Variants in ASXL3 observed in about 807,000 individuals in gnomAD.
The protein encoded by ASXL3 is putative Polycomb group protein ASXL3.
In ASXL3, 34 loss-of-function variants were observed where a neutral mutation model predicts 170.6. That is an observed-to-expected ratio of 0.20 (90% confidence interval 0.15 to 0.27). The LOEUF is 0.27. Ranked by LOEUF, ASXL3 falls within the 10% of genes least tolerant of loss-of-function variation. The pLI is 1.00. For missense variants in ASXL3, 2,592 were observed against 2,695.3 expected, an observed-to-expected ratio of 0.96 and a Z score of 0.85; for synonymous variants, 1,002 against 989.1, an observed-to-expected ratio of 1.01 and a Z score of -0.24.
intron 11 of ASXL3, among the ~76,000 whole-genome samples, chr18:33,742,501 G>A (rs1261460078): frequency 1.3e-5 from 2 of 152,120 alleles, no homozygotes; most frequent in Admixed American, 6.5e-5. Context: ...AAATAGAGTT[G>A]AAGTTCCACT....
At chr18:33,681,260 C>T (rs1028896205) in intron 7 of ASXL3, among the ~76,000 whole-genome samples, 2 of 152,040 alleles carry the variant, frequency 1.3e-5, no homozygotes, top group Non-Finnish European at 2.9e-5. Context: ...TTTGGATTTA[C>T]TCATGTCTAT....
intron 8 of ASXL3, among the ~76,000 whole-genome samples, chr18:33,720,502 G>A (rs988575946): frequency 1.3e-5 from 2 of 151,934 alleles, no homozygotes; most frequent in Non-Finnish European, 2.9e-5. Flanking sequence ...ACACACAGAG[G>A]GAACATTAAA....
chr18:33,749,193 A>G lies in ASXL3; in HGVS notation c.*2598A>G, dbSNP rs2067846388. 6.6e-6 allele frequency: 1 copy of G among 151,778 alleles called. No homozygotes were observed. The highest frequency in any genetic ancestry group is 2.4e-5 in the African/African-American group (1 of 41,306). 9.4% of individuals were successfully genotyped at this position (151,778 alleles called of 1,614,324 possible). On this transcript the variant is annotated 3_prime_UTR_variant, in exon 12 of 12. Coordinates refer to ENST00000269197, the MANE Select transcript of ASXL3 (RefSeq NM_030632.3). Reference sequence around the variant, plus strand: ...AGGGAAAGGAAGAAGAGAAATTTAGATGTAAAATGTGGGTCAGATATTTTA... The same window carrying G: ...AGGGAAAGGAAGAAGAGAAATTTAGGTGTAAAATGTGGGTCAGATATTTTA...
At chr18:33,614,892 GA>G (rs1269990568) in intron 2 of ASXL3, 1 of 151,948 alleles carries the variant, frequency 6.6e-6, no homozygotes. Flanking sequence ...GTTGCAAACA[GA>G]TGTGGTGTCA....
intron 2 of ASXL3, among the ~76,000 whole-genome samples, chr18:33,643,455 A>G (rs2065875582): frequency 6.6e-6 from 1 of 151,886 alleles, no homozygotes; most frequent in Non-Finnish European, 1.5e-5. Context: ...TAATGTTACA[A>G]CTGCATTGTT....
chr18:33,689,779 T>C (rs1192375856), intron 8 of ASXL3, among the ~76,000 whole-genome samples: 1 of 152,114 alleles, frequency 6.6e-6, no homozygotes, highest in African/African-American at 2.4e-5. Flanking sequence ...CCTTTTGTAA[T>C]TAAATAGTAT....
At chr18:33,646,426 A>G in intron 4 of ASXL3, 73 bp downstream of exon 4, 1 of 1,093,010 alleles carries the variant, frequency 9.1e-7, no homozygotes, top group Non-Finnish European at 1.3e-6. Context: ...TGATTCATTA[A>G]TTGAATTTCC....
intron 8 of ASXL3, among the ~76,000 whole-genome samples, chr18:33,695,158 A>G (rs1161033511): frequency 1.3e-5 from 2 of 152,190 alleles, no homozygotes; most frequent in African/African-American, 2.4e-5. Context: ...TGAAATGTCA[A>G]TTTACTTAAA....
At chr18:33,626,159 T>C (rs192869724) in intron 2 of ASXL3, among the ~76,000 whole-genome samples, 2 of 152,272 alleles carry the variant, frequency 1.3e-5, no homozygotes, top group Admixed American at 1.3e-4. Flanking sequence ...GTAATGTCTA[T>C]TACTTTGTTT....
rs537309926 is a variant in ASXL3, at chr18:33,735,359, C to T, written c.1082+944C>T. Among the ~76,000 whole-genome samples, 3 of 152,260 alleles carry T rather than the reference C, an allele frequency of 2.0e-5. No individual in the cohort carries two copies. The South Asian group carries it at 6.2e-4, about 32-fold the overall frequency. On this transcript the variant is annotated intron_variant, in intron 10 of 11. Transcript: ENST00000269197. Reference sequence around the variant, plus strand: ...AATAGGGTGCTCAGAGTATGCTACCCTTCATGAATTGTCCTAAATGGCAGT... The same window carrying T: ...AATAGGGTGCTCAGAGTATGCTACCTTTCATGAATTGTCCTAAATGGCAGT...
At chr18:33,677,707 C>A (rs948549644) in intron 7 of ASXL3, among the ~76,000 whole-genome samples, 3 of 152,100 alleles carry the variant, frequency 2.0e-5, no homozygotes, top group African/African-American at 4.8e-5. Flanking sequence ...TCCTATAGTT[C>A]ATTAACCCTG....
At chr18:33,719,028 A>T (rs533396267) in intron 8 of ASXL3, among the ~76,000 whole-genome samples, 1 of 151,958 alleles carries the variant, frequency 6.6e-6, no homozygotes, top group Non-Finnish European at 1.5e-5. Context: ...CTCACAAAAA[A>T]CTCTAGGAAG....
rs143168290 is a variant in ASXL3, at chr18:33,581,424, C to G, written c.54+2739C>G. On this transcript the variant is annotated intron_variant, in intron 1 of 11. Coordinates refer to ENST00000269197, the MANE Select transcript of ASXL3 (RefSeq NM_030632.3). ...TACTCAAATTAACGTTAAGAATGAT[C>G]TTCCAATTCATGCAGAATATGTTAT... Among the ~76,000 whole-genome samples the G allele has an allele frequency of 8.5e-4, 129 of 151,554 alleles. 2 individuals carry two copies. The East Asian group carries it at 0.025, about 29-fold the overall frequency.
chr18:33,665,119 T>A (rs1428323488), intron 5 of ASXL3, among the ~76,000 whole-genome samples: 3 of 152,164 alleles, frequency 2.0e-5, no homozygotes, highest in Non-Finnish European at 2.9e-5. Context: ...AGATTAAATT[T>A]TGGAAATTTT....
At chr18:33,673,652 C>T (rs1485463545) in intron 7 of ASXL3, among the ~76,000 whole-genome samples, 1 of 152,134 alleles carries the variant, frequency 6.6e-6, no homozygotes, top group East Asian at 1.9e-4. Context: ...AGTGGGCCAC[C>T]ATGCCTGGCC....
intron 4 of ASXL3, among the ~76,000 whole-genome samples, chr18:33,647,122 A>G (rs868287316): frequency 6.6e-6 from 1 of 152,196 alleles, no homozygotes; most frequent in African/African-American, 2.4e-5. Context: ...ACTCATAGGA[A>G]TCAGTAAATT....
At chr18:33,685,481 A>G (rs549064216) in intron 8 of ASXL3, among the ~76,000 whole-genome samples, 2 of 152,348 alleles carry the variant, frequency 1.3e-5, no homozygotes, top group South Asian at 4.1e-4. Flanking sequence ...TAGCTTATAC[A>G]ACAATTTCTT....
At chr18:33,654,377 A>G (rs2066049276) in intron 4 of ASXL3, among the ~76,000 whole-genome samples, 1 of 152,112 alleles carries the variant, frequency 6.6e-6, no homozygotes, top group Non-Finnish European at 1.5e-5. Context: ...CTTTAAAAAA[A>G]GTACTTTTTC....
At chr18:33,683,347 T>G in intron 7 of ASXL3, 58 bp from the exon 8 acceptor site, 1 of 1,473,320 alleles carries the variant, frequency 6.8e-7, no homozygotes, top group Non-Finnish European at 9.2e-7. Flanking sequence ...TGTGTGTACG[T>G]ACGTACACGT....
Sources: gnomAD v4.1 joint callset for allele counts (sites outside exome capture counted in the v4.1 genomes callset) on GRCh38, gnomAD v4.1.1 for gene constraint, MANE v1.5 for transcripts, NCBI Gene and HGNC (gene_info 2026-07-23, HGNC 2026-07-21) for gene names.